The following NEXMIF variants were observed in gnomAD, a reference collection of about 807,000 sequenced individuals.
The protein encoded by NEXMIF is neurite extension and migration factor.
In NEXMIF, 8 loss-of-function variants were observed where a neutral mutation model predicts 62.1. That is an observed-to-expected ratio of 0.13 (90% CI 0.08 to 0.23). The LOEUF (loss-of-function observed/expected upper bound fraction) is 0.23, where lower values mean the gene tolerates loss of function less well. Among genes scored for constraint, NEXMIF ranks in the 10% least tolerant of loss-of-function variants. NEXMIF has a pLI of 1.00. For missense variants in NEXMIF, 976 were observed against 1,113.3 expected, an observed-to-expected ratio of 0.88 and a Z score of 1.75; for synonymous variants, 404 against 416.6, an observed-to-expected ratio of 0.97 and a Z score of 0.37.
At chrX:74,766,815 G>A (rs928283044) in intron 1 of NEXMIF, among the ~76,000 whole-genome samples, 1 of 112,094 alleles carries the variant, frequency 8.9e-6, no homozygotes, top group Non-Finnish European at 1.9e-5. Flanking sequence ...CATTTGAGTT[G>A]CCAGAGTTCT....
chrX:74,880,763 A>G (rs756849833), intron 1 of NEXMIF, among the ~76,000 whole-genome samples: 1 of 111,961 alleles, frequency 8.9e-6, no homozygotes, highest in South Asian at 3.7e-4. Context: ...CAAAATACAA[A>G]ACTGCAAACA....
intron 1 of NEXMIF, among the ~76,000 whole-genome samples, chrX:74,871,577 C>T (rs770005969): frequency 3.2e-4 from 36 of 111,022 alleles, no homozygotes; most frequent in Admixed American, 2.2e-3. Context: ...CTATCTCAAC[C>T]GCATAAGACA....
rs777714488 is a variant in NEXMIF at position 74,742,162 on chromosome X, A to T, written c.2395T>A (p.Ser799Thr). Residue 799 changes from serine (S) to threonine (T), a missense_variant, in exon 3 of 4, where the codon TCA (serine) becomes ACA (threonine). Ser to Thr is a moderately conservative substitution (Grantham distance 58). Transcript: ENST00000055682. ...ATATTAGTGGTAACATTAGCAGATG[A>T]TAAAGGCATTTCAGAAGAGCATGTC... ...PTTCSSEMPL[S>T]SANVTTNIPV... 9.9e-6 allele frequency: 12 copies of T among 1,211,860 alleles called. No homozygotes were observed.
intron 1 of NEXMIF, among the ~76,000 whole-genome samples, chrX:74,838,902 C>T (rs909073887): frequency 6.3e-5 from 7 of 111,670 alleles, no homozygotes; most frequent in Non-Finnish European, 9.4e-5. Flanking sequence ...AATTTTAATT[C>T]CTCTTTATAG....
At chrX:74,908,977 T>C (rs2080778375) in intron 1 of NEXMIF, among the ~76,000 whole-genome samples, 1 of 111,765 alleles carries the variant, frequency 8.9e-6, no homozygotes, top group South Asian at 3.8e-4. Flanking sequence ...CCTCCCGCCA[T>C]GATTCTGAGG....
chrX:74,833,625 A>T (rs951474060), intron 1 of NEXMIF, among the ~76,000 whole-genome samples: 8 of 110,362 alleles, frequency 7.2e-5, no homozygotes, highest in African/African-American at 2.6e-4. Flanking sequence ...TTGTTTCTTG[A>T]TTTCCAGTTG....
chrX:74,874,380 G>T (rs1224260479), intron 1 of NEXMIF, among the ~76,000 whole-genome samples: 3 of 107,572 alleles, frequency 2.8e-5, no homozygotes, highest in Non-Finnish European at 3.8e-5. Context: ...GTACCATGCT[G>T]TTTTGGTTAC....
At chrX:74,865,090 T>A (rs2080573169) in intron 1 of NEXMIF, among the ~76,000 whole-genome samples, 1 of 112,135 alleles carries the variant, frequency 8.9e-6, no homozygotes, top group Non-Finnish European at 1.9e-5. Flanking sequence ...GCTATTAAGA[T>A]ACCTGAAAAT....
intron 1 of NEXMIF, among the ~76,000 whole-genome samples, chrX:74,831,304 T>C (rs2147484137): frequency 9.1e-6 from 1 of 109,544 alleles, no homozygotes; most frequent in Non-Finnish European, 1.9e-5. Flanking sequence ...TAACTCGTCA[T>C]TTAGCATTAC....
At chrX:74,784,861 T>C (rs2080256126) in intron 1 of NEXMIF, among the ~76,000 whole-genome samples, 1 of 110,920 alleles carries the variant, frequency 9.0e-6, no homozygotes, top group South Asian at 3.8e-4. Context: ...GTGCAAAAAA[T>C]ATGATTTATG....
chrX:74,875,038 G>T (rs2147507251), intron 1 of NEXMIF, among the ~76,000 whole-genome samples: 2 of 111,531 alleles, frequency 1.8e-5, no homozygotes, highest in East Asian at 5.6e-4. Context: ...ATGTTGAATA[G>T]GAGTGGTGAG....
intron 1 of NEXMIF, among the ~76,000 whole-genome samples, chrX:74,906,210 C>T (rs1390185964): frequency 2.8e-5 from 3 of 108,515 alleles, no homozygotes; most frequent in African/African-American, 1.0e-4. Flanking sequence ...GAATTCAAGG[C>T]TGCAGTAAAC....
intron 1 of NEXMIF, among the ~76,000 whole-genome samples, chrX:74,789,048 A>T (rs2080269468): frequency 9.2e-6 from 1 of 108,715 alleles, no homozygotes; most frequent in East Asian, 2.9e-4. Context: ...ACATATGTAT[A>T]CATATGCCAT....
intron 1 of NEXMIF, among the ~76,000 whole-genome samples, chrX:74,830,743 A>G (rs866593210): frequency 2.4e-4 from 27 of 111,802 alleles, no homozygotes; most frequent in Admixed American, 4.8e-4. Flanking sequence ...AGCATTTTGT[A>G]CTTTTCATTG....
At chrX:74,822,155 G>A in intron 1 of NEXMIF, among the ~76,000 whole-genome samples, 1 of 111,381 alleles carries the variant, frequency 9.0e-6, no homozygotes, top group Non-Finnish European at 1.9e-5. Flanking sequence ...GAATAAAGTT[G>A]CACCCCTTCC....
intron 1 of NEXMIF, among the ~76,000 whole-genome samples, chrX:74,791,987 T>C (rs1304425098): frequency 9.0e-6 from 1 of 110,951 alleles, no homozygotes; most frequent in East Asian, 2.8e-4. Context: ...AGTTCTGCTC[T>C]GATCTTAGTT....
Position 74,791,907 on chromosome X carries a change from A to G in NEXMIF, c.-47-46210T>C, listed in dbSNP as rs756774586. On this transcript the variant is annotated intron_variant, in intron 1 of 3. Transcript: ENST00000055682. Reference sequence around the variant, plus strand: ...TGATAGCGGTCTATCAATTTTGTTGATCCTTTCAAAAAACCAGCTCCTGGA... The same window carrying G: ...TGATAGCGGTCTATCAATTTTGTTGGTCCTTTCAAAAAACCAGCTCCTGGA... Among the ~76,000 whole-genome samples, 360 of 110,427 alleles carry G rather than the reference A, an allele frequency of 3.3e-3. 2 individuals are homozygous for G. Among genetic ancestry groups the G allele is most frequent in the African/African-American group, 0.011 (343 of 30,301 alleles).
At position 74,743,024 on chromosome X, in the gene NEXMIF, C is replaced by A. The variant is rs2147440886; in HGVS notation, c.1533G>T (p.Leu511=). The stretch of plus-strand genomic sequence containing the variant: ...CATCTTCCTCTTTGGAACCAACTGG[C>A]AGCCATTCCTTCCTCTCATTTACTT... ...GEKVNERKEW[L]PVGSKEEDDD... Residue 511 remains leucine (L), a synonymous_variant, in exon 3 of 4, where the codon CTG becomes CTT. Coordinates refer to ENST00000055682, the MANE Select transcript of NEXMIF (RefSeq NM_001008537.3). 3 of 1,211,326 alleles carry A rather than the reference C, an allele frequency of 2.5e-6. No homozygotes were observed. Among genetic ancestry groups the A allele is most frequent in the South Asian group, 3.5e-5 (2 of 56,919 alleles).
chrX:74,868,923 T>C (rs138011104), intron 1 of NEXMIF, among the ~76,000 whole-genome samples: 3,216 of 111,438 alleles, frequency 0.029, 49 homozygotes, highest in Middle Eastern at 0.089. Flanking sequence ...CTAATACCAA[T>C]ACTACTCCAA....
Sources: allele counts gnomAD v4.1 joint callset (sites outside exome capture counted in the v4.1 genomes callset), GRCh38; gene constraint gnomAD v4.1.1; transcripts MANE v1.5; gene names NCBI Gene and HGNC (gene_info 2026-07-23, HGNC 2026-07-21).